The following RHBDL3 variants were observed in gnomAD, a reference collection of about 807,000 sequenced individuals.
RHBDL3 encodes rhomboid-related protein 3.
A neutral mutation model predicts 48.2 loss-of-function variants in RHBDL3; 28 were observed. That is an observed-to-expected ratio of 0.58 (90% confidence interval 0.43 to 0.80). The LOEUF (loss-of-function observed/expected upper bound fraction) is 0.80. Among genes scored for constraint, RHBDL3 ranks in the 30% least tolerant of loss-of-function variants. RHBDL3 has a pLI of 0.00. For synonymous variants in RHBDL3, 208 were observed against 232.3 expected (o/e 0.90, Z 0.95); for missense variants, 464 against 542.7 (o/e 0.85, Z 1.44).
rs551033586 is a variant in RHBDL3 at position 32,272,763 on chromosome 17, C to G, written c.135+4838C>G. Among the ~76,000 whole-genome samples the G allele has an allele frequency of 5.9e-5, 9 of 152,354 alleles. No homozygotes were observed. The South Asian group carries it at 1.9e-3, about 32-fold the overall frequency. ...CGAGGGATCCGAGGTTGAACTTCGCCTGGCTGCCTGCCTGACACATAATAG... is the reference window on the plus strand; with the variant it reads ...CGAGGGATCCGAGGTTGAACTTCGCGTGGCTGCCTGCCTGACACATAATAG... On this transcript the variant is annotated intron_variant, in intron 2 of 8. Transcript: ENST00000269051.
intron 2 of RHBDL3, among the ~76,000 whole-genome samples, chr17:32,282,834 G>A (rs1175164304): frequency 6.6e-6 from 1 of 152,144 alleles, no homozygotes; most frequent in Non-Finnish European, 1.5e-5. Flanking sequence ...GTGTTAGCCA[G>A]GATGATCTTG....
rs1434790781 is a variant in RHBDL3 at position 32,288,990 on chromosome 17, T to G, written c.493T>G (p.Phe165Val). The G allele has an allele frequency of 1.2e-6, 2 of 1,614,042 alleles. No individual in the cohort carries two copies. The highest frequency in any genetic ancestry group is 2.7e-5 in the African/African-American group (2 of 74,994). Residue 165 changes from phenylalanine (F) to valine (V), a missense_variant, in exon 4 of 9, where the codon TTC becomes GTC. Physicochemically the swap from Phe to Val is conservative, Grantham distance 50. Transcript: ENST00000269051. ...CTACACCTGCTGCCCCCCACCCTGG[T>G]TCATGATCACAGTCACGCTGCTGGA... is the stretch of plus-strand genomic sequence containing the variant. ...DSYTCCPPPW[F>V]MITVTLLEVA...
At chr17:32,310,397 C>A (rs918678390) in intron 7 of RHBDL3, among the ~76,000 whole-genome samples, 9 of 151,508 alleles carry the variant, frequency 5.9e-5, no homozygotes, top group Non-Finnish European at 2.9e-5. Flanking sequence ...CTGGCTAATA[C>A]GTGAAACCCC....
In RHBDL3 at chr17:32,305,433, A is replaced by G. The variant is rs769673185; in HGVS notation, c.874A>G (p.Ile292Val). The G allele has an allele frequency of 8.7e-6, 14 of 1,606,476 alleles. No homozygotes were observed. The East Asian group carries it at 2.0e-4, about 23-fold the overall frequency. The change falls in exon 7 of 9, where the codon ATT (isoleucine) becomes GTT (valine). Residue 292 changes from isoleucine to valine, a missense_variant. By Grantham distance (29) the Ile-to-Val change is conservative (BLOSUM62 3). Coordinates refer to ENST00000269051, the MANE Select transcript of RHBDL3 (RefSeq NM_138328.3). ...YALVSAHLAN[I>V]VMNWSGMKCQ... ...TCTCGTCTCTGCCCATCTGGCCAAC[A>G]TTGTCATGGTGAGCACCTCCCGTTC...
At chr17:32,293,049 T>A (rs116087206) in intron 4 of RHBDL3, among the ~76,000 whole-genome samples, 2,451 of 151,802 alleles carry the variant, frequency 0.016, 66 homozygotes, top group African/African-American at 0.056. Context: ...GAAAATATTA[T>A]ACCAAGTGAA....
At chr17:32,279,143 A>G (rs370970623) in intron 2 of RHBDL3, among the ~76,000 whole-genome samples, 1 of 152,158 alleles carries the variant, frequency 6.6e-6, no homozygotes, top group Admixed American at 6.5e-5. Context: ...AACAAGAACA[A>G]TAATAATTAA....
chr17:32,292,801 CAAA>C lies in RHBDL3; in HGVS notation c.520-1474_520-1472del, dbSNP rs60403728. On this transcript the variant is annotated intron_variant, in intron 4 of 8. Transcript: ENST00000269051. ...TGGGCGACAGAGCGAGACTCCACCT[CAAA>C]AAAAAAAAAAAAAAAAAAGGAAGGG... is the stretch of plus-strand genomic sequence containing the variant. 7.9e-4 allele frequency among the ~76,000 whole-genome samples: 61 copies of C among 77,238 alleles called. No homozygotes were observed. The East Asian group carries it at 0.013, about 16-fold the overall frequency. 50.7% of individuals were successfully genotyped at this position (77,238 alleles called of 152,430 possible). A position where few individuals can be genotyped will look rare whatever the true frequency, so the allele number is the denominator to read the frequency against.
intron 6 of RHBDL3, among the ~76,000 whole-genome samples, chr17:32,304,861 T>C (rs2040670809): frequency 6.6e-6 from 1 of 152,136 alleles, no homozygotes; most frequent in Admixed American, 6.6e-5. Context: ...CTCACACCTG[T>C]AACCCCAGAA....
At chr17:32,277,289 C>T (rs1004822811) in intron 2 of RHBDL3, among the ~76,000 whole-genome samples, 9 of 152,352 alleles carry the variant, frequency 5.9e-5, no homozygotes, top group Admixed American at 3.3e-4. Flanking sequence ...AGAGACCAGA[C>T]GTGTGTTTGC....
At chr17:32,274,217 G>A (rs2039842162) in intron 2 of RHBDL3, among the ~76,000 whole-genome samples, 1 of 152,202 alleles carries the variant, frequency 6.6e-6, no homozygotes, top group South Asian at 2.1e-4. Context: ...GAGGGTGAAG[G>A]GTGAGACGAG....
intron 2 of RHBDL3, chr17:32,284,299 TCTC>T (rs1318629567): frequency 1.1e-5 from 2 of 175,006 alleles, no homozygotes; most frequent in Non-Finnish European, 2.4e-5. Flanking sequence ...GAAATGTCCT[TCTC>T]CTGCTGTCCT....
chr17:32,286,905 T>G (rs1280990416), intron 3 of RHBDL3, among the ~76,000 whole-genome samples: 1 of 152,162 alleles, frequency 6.6e-6, no homozygotes, highest in Non-Finnish European at 1.5e-5. Flanking sequence ...AGAGGCTCCT[T>G]TATCTGATTG....
chr17:32,292,942 T>C (rs533415286), intron 4 of RHBDL3, among the ~76,000 whole-genome samples: 1 of 151,878 alleles, frequency 6.6e-6, no homozygotes, highest in African/African-American at 2.4e-5. Flanking sequence ...AAGCTGAGAC[T>C]GCCCCACTGC....
intron 2 of RHBDL3, among the ~76,000 whole-genome samples, chr17:32,281,494 C>G (rs1337852232): frequency 6.6e-6 from 1 of 152,002 alleles, no homozygotes; most frequent in Admixed American, 6.5e-5. Context: ...CCTGCAGCCC[C>G]CACTGGGGGG....
intron 7 of RHBDL3, among the ~76,000 whole-genome samples, chr17:32,315,970 C>T (rs1000029421): frequency 3.3e-5 from 5 of 151,946 alleles, no homozygotes; most frequent in Non-Finnish European, 7.4e-5. Flanking sequence ...TCTCTGTCCA[C>T]GTTGAGGAGA....
At chr17:32,300,839 A>G (rs1376301400) in intron 6 of RHBDL3, among the ~76,000 whole-genome samples, 8 of 151,222 alleles carry the variant, frequency 5.3e-5, no homozygotes, top group Non-Finnish European at 1.2e-4. Context: ...GAAAAGTACT[A>G]GAACTAGGGA....
At chr17:32,289,063 G>T (rs199643919) in intron 4 of RHBDL3, 47 bp downstream of exon 4, 2 of 1,524,944 alleles carry the variant, frequency 1.3e-6, no homozygotes, top group Non-Finnish European at 1.8e-6. Flanking sequence ...GGGGAGTGGC[G>T]GGTATGGGGA....
chr17:32,290,530 C>A (rs373912827), intron 4 of RHBDL3, among the ~76,000 whole-genome samples: 1 of 152,124 alleles, frequency 6.6e-6, no homozygotes. Flanking sequence ...AGGCTTTTGT[C>A]TTCTATACAG....
At chr17:32,311,760 G>A (rs967860629) in intron 7 of RHBDL3, among the ~76,000 whole-genome samples, 8 of 152,172 alleles carry the variant, frequency 5.3e-5, no homozygotes, top group Admixed American at 2.0e-4. Context: ...CAAACTCCCC[G>A]TCTTTGTCTC....
Sources: gnomAD v4.1 joint callset for allele counts (sites outside exome capture counted in the v4.1 genomes callset) on GRCh38, gnomAD v4.1.1 for gene constraint, MANE v1.5 for transcripts, NCBI Gene and HGNC (gene_info 2026-07-23, HGNC 2026-07-21) for gene names.